Variants in CDH22 observed in about 807,000 individuals in gnomAD.
The protein encoded by CDH22 is cadherin 22.
In CDH22, 30 loss-of-function variants were observed where a neutral mutation model predicts 58.4. The observed-to-expected ratio is 0.51, with a 90% CI of 0.38 to 0.70. CDH22 has a LOEUF of 0.70. CDH22 is among the 30% of genes least tolerant of loss of function. The probability of loss-of-function intolerance (pLI) is 0.00; values close to 1 mark genes in which losing one functional copy is unlikely to be tolerated. For missense variants in CDH22, 1,014 were observed against 1,233.9 expected (o/e 0.82, Z 2.67); for synonymous variants, 513 against 558.2 (o/e 0.92, Z 1.14).
intron 8 of CDH22, among the ~76,000 whole-genome samples, chr20:46,197,565 A>G (rs1266595975): frequency 6.6e-6 from 1 of 152,106 alleles, no homozygotes; most frequent in Non-Finnish European, 1.5e-5. Flanking sequence ...ATCCCTGCCC[A>G]GCAGCCAGGC....
intron 4 of CDH22, among the ~76,000 whole-genome samples, chr20:46,221,798 G>A (rs146649251): frequency 5.9e-5 from 9 of 152,294 alleles, no homozygotes; most frequent in African/African-American, 1.7e-4. Flanking sequence ...GGAGAAGCAC[G>A]GTGGAGACTA....
intron 4 of CDH22, among the ~76,000 whole-genome samples, chr20:46,221,270 T>G (rs949793312): frequency 2.3e-4 from 28 of 124,110 alleles, no homozygotes; most frequent in East Asian, 4.5e-4. Flanking sequence ...GGTTTTGGGT[T>G]TTTTTTTTTC....
At chr20:46,263,406 C>CTGTGTG (rs3081942) in intron 1 of CDH22, among the ~76,000 whole-genome samples, 32,321 of 150,222 alleles carry the variant, frequency 0.22, 3,838 homozygotes, top group South Asian at 0.37. Context: ...GCCTTCCATT[C>CTGTGTG]TGTGTGTGTG....
intron 1 of CDH22, among the ~76,000 whole-genome samples, chr20:46,252,247 C>T (rs1292060231): frequency 6.6e-6 from 1 of 152,182 alleles, no homozygotes; most frequent in African/African-American, 2.4e-5. Context: ...TGCTCGTACC[C>T]CCACACCAGC....
At chr20:46,194,366 C>T (rs1166097089) in intron 8 of CDH22, among the ~76,000 whole-genome samples, 1 of 152,252 alleles carries the variant, frequency 6.6e-6, no homozygotes, top group Non-Finnish European at 1.5e-5. Context: ...GTGACCTTCA[C>T]TCCTCATCCC....
At chr20:46,281,438 G>A (rs2086550437) in intron 1 of CDH22, among the ~76,000 whole-genome samples, 1 of 132,774 alleles carries the variant, frequency 7.5e-6, no homozygotes, top group Non-Finnish European at 1.7e-5. Flanking sequence ...ATGAGGACGT[G>A]TTTTGTAAAT....
chr20:46,197,649 G>T (rs954806477), intron 8 of CDH22, among the ~76,000 whole-genome samples: 1 of 152,320 alleles, frequency 6.6e-6, no homozygotes, highest in Non-Finnish European at 1.5e-5. Flanking sequence ...GAGGCAAGGA[G>T]GGGGAGCTCT....
chr20:46,242,595 G>A lies in CDH22; in HGVS notation c.256-1338C>T, dbSNP rs1168124581. Among the ~76,000 whole-genome samples the A allele has an allele frequency of 3.3e-5, 5 of 152,212 alleles. No homozygotes were observed. In the East Asian group the frequency reaches 9.6e-4, roughly 29 times the overall value. On this transcript the variant is annotated intron_variant, in intron 2 of 11. Transcript: ENST00000537909. The stretch of plus-strand genomic sequence containing the variant: ...CGGTGGGGGCACTGCCCAGGCAGTG[G>A]TACTGCAGCAGGATCCCTGCTGGGC...
rs1883837 is a variant in CDH22, at chr20:46,186,661, G to T, written c.1590C>A (p.Gly530=). 5 of 1,613,640 alleles carry T rather than the reference G, an allele frequency of 3.1e-6. No individual in the cohort carries two copies. Among genetic ancestry groups the T allele is most frequent in the Non-Finnish European group, 4.2e-6 (5 of 1,179,978 alleles). The change falls in exon 10 of 12, where the codon GGC becomes GGA. Residue 530 remains glycine, a synonymous_variant. Coordinates refer to ENST00000537909, the MANE Select transcript of CDH22 (RefSeq NM_021248.3). ...CCAGGCGGAAATAGAAGCGGTGCCC[G>T]CCTTGGGGCTCGTCTCTGTCCACCA... ...ISVVDRDEPQ[G]GHRFYFRLVP...
chr20:46,291,775 T>G (rs1478254167), intron 1 of CDH22, among the ~76,000 whole-genome samples: 1 of 152,266 alleles, frequency 6.6e-6, no homozygotes, highest in African/African-American at 2.4e-5. Flanking sequence ...CCCACTCTTG[T>G]GGCCATATCT....
intron 10 of CDH22, among the ~76,000 whole-genome samples, chr20:46,183,092 C>T (rs2085800815): frequency 6.6e-6 from 1 of 152,122 alleles, no homozygotes; most frequent in Admixed American, 6.5e-5. Flanking sequence ...GTGAACTTGG[C>T]AGAGTTGAGC....
rs185973036 is a variant in CDH22, at chr20:46,178,891, G to A, written c.1664-694C>T. ...CTGGGGGCGTGGTGAGGGGCCTGAT[G>A]AGGGGCCCTGGAGCATTGAGGCCTT... On this transcript the variant is annotated intron_variant, in intron 10 of 11. Transcript: ENST00000537909. Among the ~76,000 whole-genome samples, 244 of 152,298 alleles carry A rather than the reference G, an allele frequency of 1.6e-3. 2 individuals are homozygous for A. Among genetic ancestry groups the A allele is most frequent in the Non-Finnish European group, 6.6e-4 (45 of 68,024 alleles).
intron 1 of CDH22, among the ~76,000 whole-genome samples, chr20:46,296,068 C>A (rs1337132074): frequency 6.6e-6 from 1 of 152,166 alleles, no homozygotes; most frequent in Non-Finnish European, 1.5e-5. Flanking sequence ...GGGCCTGTTG[C>A]CTCATCTTTT....
Position 46,174,595 on chromosome 20 carries a change from C to G in CDH22, c.2398G>C (p.Ala800Pro). ...CGCGGACCCCAGCTGCTGAGATAGGCGAAGTCCTGCTCGGAGCCCGACGAG... is the reference window on the plus strand; with the variant it reads ...CGCGGACCCCAGCTGCTGAGATAGGGGAAGTCCTGCTCGGAGCCCGACGAG... The part of the protein sequence containing the change: ...SGSSGSEQDF[A>P]YLSSWGPRFR... Residue 800 changes from alanine (A) to proline (P), a missense_variant, in exon 12 of 12, where the codon GCC becomes CCC. This residue lies in a region of CDH22 where 208 missense variants were observed against 195.2 expected (regional missense o/e 1.07). Coordinates refer to ENST00000537909, the MANE Select transcript of CDH22 (RefSeq NM_021248.3). The surrounding 1 kb of genome is among the most constrained non-coding windows in gnomAD (Gnocchi z 4.4). 4 of 1,534,694 alleles carry G rather than the reference C, an allele frequency of 2.6e-6. No individual in the cohort carries two copies. The highest frequency in any genetic ancestry group is 3.5e-6 in the Non-Finnish European group (4 of 1,145,450).
chr20:46,209,411 C>G (rs2086023775), intron 7 of CDH22, among the ~76,000 whole-genome samples: 1 of 152,092 alleles, frequency 6.6e-6, no homozygotes, highest in Admixed American at 6.6e-5. Flanking sequence ...GAGGCCAGAG[C>G]TGTCATTGTA....
chr20:46,298,444 G>C (rs1005750822), intron 1 of CDH22, among the ~76,000 whole-genome samples: 1 of 152,202 alleles, frequency 6.6e-6, no homozygotes, highest in South Asian at 2.1e-4. Flanking sequence ...GGTAGATTCT[G>C]AGGGTGAATG....
chr20:46,198,639 A>G (rs935899694), intron 8 of CDH22, among the ~76,000 whole-genome samples: 22 of 152,174 alleles, frequency 1.4e-4, no homozygotes, highest in African/African-American at 4.6e-4. Flanking sequence ...CCTCTCCCCA[A>G]ATGCCTCCAA....
chr20:46,177,958 G>A lies in CDH22; in HGVS notation c.1903C>T (p.Leu635Phe). ...GALIALLVCVLILVVLVLLIL... is the reference protein window; with the variant it reads ...GALIALLVCVFILVVLVLLIL... ...TCGATGGACTCACCAACCAGGATGA[G>A]AACGCAGACCAAGAGGGCGATGAGG... is the stretch of plus-strand genomic sequence containing the variant. Residue 635 changes from leucine (L) to phenylalanine (F), a missense_variant, in exon 11 of 12, where the codon CTC becomes TTC. Around this residue, in one of 2 missense-constraint regions of CDH22, gnomAD observed 806 missense variants for 1,038.7 expected, o/e 0.78. Transcript: ENST00000537909. The A allele has an allele frequency of 1.2e-6, 2 of 1,613,904 alleles. No individual in the cohort carries two copies. The highest frequency in any genetic ancestry group is 2.2e-5 in the South Asian group (2 of 91,066).
chr20:46,280,922 G>A (rs1305893291), intron 1 of CDH22, among the ~76,000 whole-genome samples: 1 of 152,214 alleles, frequency 6.6e-6, no homozygotes, highest in Non-Finnish European at 1.5e-5. Flanking sequence ...GAGCCACAGT[G>A]TCCAACACAA....
Sources: gnomAD v4.1 joint callset for allele counts (sites outside exome capture counted in the v4.1 genomes callset) on GRCh38, gnomAD v4.1.1 for gene constraint, gnomAD v4.1.1 regional missense constraint, Gnocchi (gnomAD v3.1) non-coding constraint, MANE v1.5 for transcripts, NCBI Gene and HGNC (gene_info 2026-07-23, HGNC 2026-07-21) for gene names.